The following BTBD1 variants were observed in gnomAD, a reference collection of about 807,000 sequenced individuals.
The protein encoded by BTBD1 is BTB/POZ domain-containing protein 1.
Under a neutral mutation model 48.0 loss-of-function variants are expected in BTBD1, and 34 were observed. The observed-to-expected ratio is 0.71, with a 90% CI of 0.54 to 0.94. The LOEUF (loss-of-function observed/expected upper bound fraction) is 0.94, where lower values mean the gene tolerates loss of function less well. Among genes scored for constraint, BTBD1 ranks in the 40% least tolerant of loss-of-function variants. The pLI is 0.00. For missense variants in BTBD1, 543 were observed against 625.6 expected (o/e 0.87, Z 1.41); for synonymous variants, 261 against 242.1 (o/e 1.08, Z -0.72).
At chr15:83,046,136 C>T (rs1285685666) in intron 3 of BTBD1, among the ~76,000 whole-genome samples, 1 of 152,012 alleles carries the variant, frequency 6.6e-6, no homozygotes, top group Non-Finnish European at 1.5e-5. Flanking sequence ...TAGTTCACAC[C>T]TGTAATCCCA....
rs1302792277 is a variant in BTBD1 at position 83,016,493 on chromosome 15, TTC to T, written c.*1572_*1573del. 2 of 152,202 alleles carry T rather than the reference TTC, an allele frequency of 1.3e-5. No individual in the cohort carries two copies. The highest frequency in any genetic ancestry group is 6.5e-5 in the Admixed American group (1 of 15,290). 9.4% of individuals were successfully genotyped at this position (152,202 alleles called of 1,614,324 possible). A position where few individuals can be genotyped will look rare whatever the true frequency, so the allele number is the denominator to read the frequency against. Reference sequence around the variant, plus strand: ...GGGATGTCCCAAAGTTAGTAAACAGTTCTGTTTCTTGTCCCTTTTATGGCTGC... The same window carrying T: ...GGGATGTCCCAAAGTTAGTAAACAGTTGTTTCTTGTCCCTTTTATGGCTGC... On this transcript the variant is annotated 3_prime_UTR_variant, in exon 8 of 8. Transcript: ENST00000261721.
At chr15:83,026,895 T>C (rs1402891376) in intron 5 of BTBD1, among the ~76,000 whole-genome samples, 2 of 152,148 alleles carry the variant, frequency 1.3e-5, no homozygotes, top group East Asian at 1.9e-4. Flanking sequence ...ATACAGTCAA[T>C]TCTCATTATC....
At chr15:83,043,658 A>G (rs989230523) in intron 3 of BTBD1, among the ~76,000 whole-genome samples, 1 of 152,142 alleles carries the variant, frequency 6.6e-6, no homozygotes, top group Non-Finnish European at 1.5e-5. Flanking sequence ...ACTCAATTAG[A>G]TTTCCTAACA....
chr15:83,066,434 T>C (rs2033271997), intron 1 of BTBD1, among the ~76,000 whole-genome samples: 1 of 152,220 alleles, frequency 6.6e-6, no homozygotes, highest in South Asian at 2.1e-4. Context: ...TCTGCCCCTC[T>C]ATCCTTGCCA....
chr15:83,056,613 A>G, intron 1 of BTBD1, 68 bp from the exon 2 acceptor site: 2 of 1,374,720 alleles, frequency 1.5e-6, no homozygotes, highest in Non-Finnish European at 2.0e-6. Flanking sequence ...CATCACAGTT[A>G]AATTTCTGAG....
Position 83,056,400 on chromosome 15 carries a change from A to G in BTBD1, c.547T>C (p.Leu183=), listed in dbSNP as rs772696652. 6.2e-7 allele frequency: 1 copy of G among 1,613,154 alleles called. No individual in the cohort carries two copies. Among genetic ancestry groups the G allele is most frequent in the Non-Finnish European group, 8.5e-7 (1 of 1,179,170 alleles). Residue 183 remains leucine (L), a synonymous_variant, in exon 2 of 8, where the codon TTA becomes CTA. Transcript: ENST00000261721. Reference sequence around the variant, plus strand: ...CTACATTTACTTACCTGAGTAAGTAACATAAAGGCATTATCTGCCCTAAGA... The same window carrying G: ...CTACATTTACTTACCTGAGTAAGTAGCATAAAGGCATTATCTGCCCTAAGA... ...KHLRADNAFM[L]LTQARLFDEP... is the part of the protein sequence containing the mutation.
intron 5 of BTBD1, among the ~76,000 whole-genome samples, chr15:83,022,759 C>G (rs755380020): frequency 6.6e-6 from 1 of 151,970 alleles, no homozygotes; most frequent in African/African-American, 2.4e-5. Context: ...GTCAGGGGAT[C>G]GAGACCATTC....
intron 3 of BTBD1, among the ~76,000 whole-genome samples, chr15:83,042,348 T>TTTATATA (rs773923340): frequency 9.1e-6 from 1 of 109,896 alleles, no homozygotes; most frequent in South Asian, 2.5e-4. Context: ...TTAGGCAATT[T>TTTATATA]TATATATATA....
At position 83,066,998 on chromosome 15, in the gene BTBD1, T is replaced by G. The variant is rs1246107290; in HGVS notation, c.154A>C (p.Lys52Gln). 2.5e-6 allele frequency: 4 copies of G among 1,586,038 alleles called. No individual in the cohort carries two copies. Among genetic ancestry groups the G allele is most frequent in the Middle Eastern group, 1.7e-4 (1 of 5,984 alleles). Residue 52 changes from lysine to glutamine, a missense_variant, in exon 1 of 8, where the codon AAG becomes CAG. Physicochemically the swap from Lys to Gln is moderately conservative, Grantham distance 53 (BLOSUM62 1). Coordinates refer to ENST00000261721, the MANE Select transcript of BTBD1 (RefSeq NM_025238.4). ...GCGAAGCGCTCCTTCAGCGACGCCTTGGTCGCCTGCCAGTTGTAGAGAGGT... is the reference window on the plus strand; with the variant it reads ...GCGAAGCGCTCCTTCAGCGACGCCTGGGTCGCCTGCCAGTTGTAGAGAGGT... ...REPLYNWQAT[K>Q]ASLKERFAFL... is the part of the protein sequence containing the mutation.
chr15:83,044,749 G>C lies in BTBD1; in HGVS notation c.665-2824C>G, dbSNP rs926433737. On this transcript the variant is annotated intron_variant, in intron 3 of 7. Coordinates refer to ENST00000261721, the MANE Select transcript of BTBD1 (RefSeq NM_025238.4). ...GTCATGAACAATGTCGCCTGTACTC[G>C]GATCTATGAAAAAGTAGAATAAAAA... The C allele has an allele frequency of 5.5e-6, 8 of 1,452,454 alleles. No homozygotes were observed. The African/African-American group carries it at 9.7e-5, about 18-fold the overall frequency. 90.0% of individuals were successfully genotyped at this position (1,452,454 alleles called of 1,614,324 possible).
At chr15:83,021,628 C>T (rs1206989758) in intron 5 of BTBD1, among the ~76,000 whole-genome samples, 1 of 152,004 alleles carries the variant, frequency 6.6e-6, no homozygotes, top group African/African-American at 2.4e-5. Flanking sequence ...ATAGCAGGCA[C>T]CTGTAATCCC....
At chr15:83,026,517 CTTTTTTTTTTTTT>C (rs563990083) in intron 5 of BTBD1, among the ~76,000 whole-genome samples, 1 of 88,288 alleles carries the variant, frequency 1.1e-5, no homozygotes, top group East Asian at 3.6e-4. Context: ...TTTTTTAGTG[CTTTTTTTTTTTTT>C]TTTTTTTTTG....
chr15:83,023,157 T>C (rs890417012), intron 5 of BTBD1, among the ~76,000 whole-genome samples: 2 of 152,158 alleles, frequency 1.3e-5, no homozygotes, highest in African/African-American at 4.8e-5. Context: ...TATATATATA[T>C]TTGTAACCTC....
chr15:83,018,798 CAACT>C lies in BTBD1; in HGVS notation c.1195_1198del (p.Ser399ValfsTer16). ...CCTGAATGTGTTAGCTGTCCCATCA[CAACT>C]AAAGCCGGTATCATTCTGTCCCAGG... On this transcript the variant is annotated frameshift_variant, in exon 7 of 8. Coordinates refer to ENST00000261721, the MANE Select transcript of BTBD1 (RefSeq NM_025238.4). LOFTEE classifies it high-confidence loss of function. 1 of 1,614,122 alleles carries C rather than the reference CAACT, an allele frequency of 6.2e-7. No individual in the cohort carries two copies. The highest frequency in any genetic ancestry group is 1.1e-5 in the South Asian group (1 of 91,086).
chr15:83,050,293 A>T, intron 2 of BTBD1, 115 bp from the exon 3 acceptor site: 1 of 570,720 alleles, frequency 1.8e-6, no homozygotes, highest in South Asian at 3.2e-5. Flanking sequence ...AAAAATATCT[A>T]CTTAAAATAC....
At chr15:83,048,008 G>A (rs913184317) in intron 3 of BTBD1, among the ~76,000 whole-genome samples, 5 of 152,176 alleles carry the variant, frequency 3.3e-5, no homozygotes, top group Non-Finnish European at 1.5e-5. Flanking sequence ...CTGCATGAAA[G>A]GAGAGACTAC....
intron 2 of BTBD1, among the ~76,000 whole-genome samples, chr15:83,052,202 C>T (rs2033000395): frequency 1.3e-5 from 2 of 152,140 alleles, no homozygotes; most frequent in Non-Finnish European, 1.5e-5. Context: ...AGCGATCCAC[C>T]TGCCCAAAGT....
intron 6 of BTBD1, 56 bp downstream of exon 6, chr15:83,020,618 TA>T: frequency 8.4e-7 from 1 of 1,187,856 alleles, no homozygotes. Flanking sequence ...AACAATATCT[TA>T]AAGTTACCTG....
intron 3 of BTBD1, among the ~76,000 whole-genome samples, chr15:83,045,398 G>A (rs1179439174): frequency 1.3e-5 from 2 of 152,112 alleles, no homozygotes; most frequent in Admixed American, 1.3e-4. Flanking sequence ...TCGGGATGCT[G>A]GGGTCAGGAG....
Sources: allele counts gnomAD v4.1 joint callset (sites outside exome capture counted in the v4.1 genomes callset), GRCh38; gene constraint gnomAD v4.1.1; transcripts MANE v1.5; gene names NCBI Gene and HGNC (gene_info 2026-07-23, HGNC 2026-07-21).